Variants in KCNG3 observed in about 807,000 individuals in gnomAD.
The protein encoded by KCNG3 is potassium voltage-gated channel modifier subfamily G member 3, also known as voltage-gated potassium channel regulatory subunit KCNG3.
KCNG3 carries 15 observed loss-of-function variants against 29.0 expected under a neutral mutation model. The ratio of observed to expected loss-of-function variants is 0.52; its 90% CI spans 0.35 to 0.80. KCNG3 has a LOEUF of 0.80. KCNG3 is among the 30% of genes least tolerant of loss of function. The pLI is 0.01. For synonymous variants in KCNG3, 322 were observed against 248.9 expected, an observed-to-expected ratio of 1.29 and a Z score of -2.76; for missense variants, 512 against 605.7, an observed-to-expected ratio of 0.85 and a Z score of 1.62.
Position 42,493,138 on chromosome 2 carries a change from C to A in KCNG3, c.364G>T (p.Asp122Tyr), listed in dbSNP as rs762591750. 1.2e-6 allele frequency: 2 copies of A among 1,604,860 alleles called. No homozygotes were observed. The highest frequency in any genetic ancestry group is 1.7e-6 in the Non-Finnish European group (2 of 1,179,012). The change falls in exon 1 of 2, where the codon GAC (aspartate) becomes TAC (tyrosine). Residue 122 changes from aspartate to tyrosine, a missense_variant. This residue lies in a region of KCNG3 where 228 missense variants were observed against 200.0 expected (regional missense o/e 1.14). Transcript: ENST00000306078. The stretch of plus-strand genomic sequence containing the variant: ...TCGGCCGAGTAGAAGGTGTAGGTGT[C>A]GGACATGCGGTCGTCGAGGCGGCGC... Reference protein sequence around the residue: ...CQRRLDDRMSDTYTFYSADEP... With the variant: ...CQRRLDDRMSYTYTFYSADEP...
chr2:42,462,082 A>G (rs1673033686), intron 1 of KCNG3, among the ~76,000 whole-genome samples: 1 of 152,226 alleles, frequency 6.6e-6, no homozygotes, highest in Non-Finnish European at 1.5e-5. Flanking sequence ...AAATGTACCC[A>G]TTAAACTGCT....
Position 42,492,889 on chromosome 2 carries a change from T to G in KCNG3, c.613A>C (p.Ser205Arg), listed in dbSNP as rs749869701. Reference sequence around the variant, plus strand: ...GAGTACCTGCTCCGGTCATCCAGGCTGCGGTTGTCGGCGGCTGCGTTGCGC... The same window carrying G: ...GAGTACCTGCTCCGGTCATCCAGGCGGCGGTTGTCGGCGGCTGCGTTGCGC... ...DWRNAAADNR[S>R]LDDRSRYSAG... is the part of the protein sequence containing the mutation. The change falls in exon 1 of 2, where the codon AGC becomes CGC. Residue 205 changes from serine to arginine, a missense_variant. Ser to Arg is a moderately radical substitution (Grantham distance 110, BLOSUM62 -1). Coordinates refer to ENST00000306078, the MANE Select transcript of KCNG3 (RefSeq NM_133329.6). 6.4e-7 allele frequency: 1 copy of G among 1,553,438 alleles called. No homozygotes were observed. Among genetic ancestry groups the G allele is most frequent in the African/African-American group, 1.4e-5 (1 of 70,744 alleles).
At chr2:42,477,224 A>G (rs1278994127) in intron 1 of KCNG3, among the ~76,000 whole-genome samples, 1 of 149,564 alleles carries the variant, frequency 6.7e-6, no homozygotes, top group East Asian at 2.0e-4. Context: ...AGTACTGATT[A>G]AAAAAAAATA....
intron 1 of KCNG3, among the ~76,000 whole-genome samples, chr2:42,488,672 C>A (rs770837807): frequency 6.6e-6 from 1 of 151,890 alleles, no homozygotes; most frequent in Non-Finnish European, 1.5e-5. Context: ...GCCTCAGCCT[C>A]CTGAGTAGCT....
At chr2:42,454,088 T>C (rs1267150509) in intron 1 of KCNG3, among the ~76,000 whole-genome samples, 4 of 85,444 alleles carry the variant, frequency 4.7e-5, no homozygotes, top group Admixed American at 2.7e-4. Flanking sequence ...GGATGGCTAC[T>C]ATACCAAAAA....
chr2:42,415,875 G>A, the KCNG3 span, among the ~76,000 whole-genome samples: 1 of 152,148 alleles, frequency 6.6e-6, no homozygotes, highest in African/African-American at 2.4e-5. Flanking sequence ...CTCATATGTG[G>A]AATCTATAAC....
At chr2:42,395,969 T>G in the KCNG3 span, among the ~76,000 whole-genome samples, 1 of 152,014 alleles carries the variant, frequency 6.6e-6, no homozygotes, top group Admixed American at 6.6e-5. Flanking sequence ...AAAAAGAATA[T>G]GCACTTAATA....
chr2:42,396,365 G>A, the KCNG3 span, among the ~76,000 whole-genome samples: 1 of 152,152 alleles, frequency 6.6e-6, no homozygotes, highest in Non-Finnish European at 1.5e-5. Context: ...AAAATGTTAA[G>A]AATTTCTTAA....
At chr2:42,419,053 T>C in the KCNG3 span, among the ~76,000 whole-genome samples, 1 of 151,974 alleles carries the variant, frequency 6.6e-6, no homozygotes, top group African/African-American at 2.4e-5. Flanking sequence ...TTCAGCCTCA[T>C]TTCAGTAGTA....
chr2:42,475,280 C>A (rs1463418078), intron 1 of KCNG3, among the ~76,000 whole-genome samples: 1 of 150,708 alleles, frequency 6.6e-6, no homozygotes, highest in African/African-American at 2.4e-5. Flanking sequence ...GTTATGATCA[C>A]ACCACTGTAC....
chr2:42,406,491 T>A, the KCNG3 span, among the ~76,000 whole-genome samples: 1 of 148,170 alleles, frequency 6.7e-6, no homozygotes, highest in Non-Finnish European at 1.5e-5. Context: ...AGTGCTGGGA[T>A]TACAGGCATA....
chr2:42,440,266 A>G (rs938096974), downstream of KCNG3: 2 of 152,180 alleles, frequency 1.3e-5, no homozygotes, highest in Non-Finnish European at 1.5e-5. Context: ...GGGAATGCAC[A>G]TTTATGAAGG....
Position 42,444,696 on chromosome 2 carries a change from A to G in KCNG3, c.666-117T>C. 2 of 928,558 alleles carry G rather than the reference A, an allele frequency of 2.2e-6. No individual in the cohort carries two copies. The highest frequency in any genetic ancestry group is 3.2e-6 in the Non-Finnish European group (2 of 620,776). The allele number at this position is 928,558 out of a possible 1,614,324, so 57.5% of individuals were successfully genotyped here. A position where few individuals can be genotyped will look rare whatever the true frequency, so the allele number is the denominator to read the frequency against. ...TAATTCAGTTACTTTTCCAGAAAAC[A>G]TAAAGAACAGACAACATTAGCAACA... On this transcript the variant is annotated intron_variant, in intron 1 of 1. Coordinates refer to ENST00000306078, the MANE Select transcript of KCNG3 (RefSeq NM_133329.6). The surrounding 1 kb of genome is among the most constrained non-coding windows in gnomAD (Gnocchi z 5.8).
chr2:42,413,092 C>G, the KCNG3 span, among the ~76,000 whole-genome samples: 8 of 152,184 alleles, frequency 5.3e-5, no homozygotes, highest in Middle Eastern at 0.01. Flanking sequence ...TTTACAGTGG[C>G]CTTTAACTCC....
chr2:42,424,008 A>T, the KCNG3 span, among the ~76,000 whole-genome samples: 1 of 152,202 alleles, frequency 6.6e-6, no homozygotes, highest in Non-Finnish European at 1.5e-5. Flanking sequence ...AAGTAAAGTC[A>T]ACTTCAAGAT....
the KCNG3 span, among the ~76,000 whole-genome samples, chr2:42,400,100 C>T: frequency 6.6e-6 from 1 of 152,212 alleles, no homozygotes; most frequent in Non-Finnish European, 1.5e-5. Flanking sequence ...CAGAACGGGA[C>T]CCTGTCTCAA....
chr2:42,411,249 T>C, the KCNG3 span, among the ~76,000 whole-genome samples: 4 of 152,224 alleles, frequency 2.6e-5, no homozygotes, highest in Non-Finnish European at 5.9e-5. Context: ...TTCAATTTTA[T>C]TCTTGCCATT....
chr2:42,448,973 G>A (rs533835131), intron 1 of KCNG3, among the ~76,000 whole-genome samples: 60 of 150,476 alleles, frequency 4.0e-4, no homozygotes, highest in African/African-American at 1.4e-3. Context: ...GCGAGACTCC[G>A]TCTCAAAAAA....
At chr2:42,474,156 A>T (rs551678080) in intron 1 of KCNG3, among the ~76,000 whole-genome samples, 2 of 151,632 alleles carry the variant, frequency 1.3e-5, no homozygotes, top group Admixed American at 6.6e-5. Flanking sequence ...TGCTATTTTG[A>T]CTTAGTGACC....
Sources: allele counts gnomAD v4.1 joint callset (sites outside exome capture counted in the v4.1 genomes callset), GRCh38; gene constraint gnomAD v4.1.1; regional missense constraint gnomAD v4.1.1; non-coding constraint Gnocchi (gnomAD v3.1); transcripts MANE v1.5; gene names NCBI Gene and HGNC (gene_info 2026-07-23, HGNC 2026-07-21).